Variants in AREL1 observed in about 807,000 individuals in gnomAD.
AREL1 encodes apoptosis resistant E3 ubiquitin protein ligase 1.
A neutral mutation model predicts 99.0 loss-of-function variants in AREL1; 62 were observed. That is an observed-to-expected ratio of 0.63 (90% CI 0.51 to 0.77). The LOEUF (loss-of-function observed/expected upper bound fraction) is 0.77, where lower values mean the gene tolerates loss of function less well. AREL1 is among the 30% of genes least tolerant of loss of function. The probability of loss-of-function intolerance (pLI) is 0.00; values close to 1 mark genes in which losing one functional copy is unlikely to be tolerated. For synonymous variants in AREL1, 380 were observed against 376.5 expected, an observed-to-expected ratio of 1.01 and a Z score of -0.11; for missense variants, 879 against 1,027.6, an observed-to-expected ratio of 0.86 and a Z score of 1.98.
In AREL1 at chr14:74,689,493, C is replaced by T. The variant is rs150623747; in HGVS notation, c.-46+2548G>A. Among the ~76,000 whole-genome samples, 593 of 152,078 alleles carry T rather than the reference C, an allele frequency of 3.9e-3. 1 individual carries two copies. The highest frequency in any genetic ancestry group is 6.3e-3 in the Non-Finnish European group (428 of 67,984). ...TCCTGAGGTCTAGGAAAAATCCTAT[C>T]CACTCTCTCCAAAATCTTCCCTAAT... On this transcript the variant is annotated intron_variant, in intron 2 of 19. Transcript: ENST00000356357.
At position 74,675,681 on chromosome 14, in the gene AREL1, G is replaced by A. The variant is rs752457056; in HGVS notation, c.1080+18C>T. On this transcript the variant is annotated intron_variant, in intron 8 of 19. Coordinates refer to ENST00000356357, the MANE Select transcript of AREL1 (RefSeq NM_001039479.2). ...GGTTCAAGCAGGGGGATTTTATGTC[G>A]AGAATGGAAGGTCCAACCTTTGGTG... 5.0e-6 allele frequency: 8 copies of A among 1,608,058 alleles called. No homozygotes were observed. Among genetic ancestry groups the A allele is most frequent in the African/African-American group, 4.0e-5 (3 of 74,780 alleles).
rs1329535025 is a variant in AREL1, at chr14:74,673,158, T to G, written c.1219A>C (p.Ile407Leu). The G allele has an allele frequency of 1.9e-6, 3 of 1,614,190 alleles. No homozygotes were observed. Among genetic ancestry groups the G allele is most frequent in the Non-Finnish European group, 2.5e-6 (3 of 1,180,040 alleles). The change falls in exon 10 of 20, where the codon ATT (isoleucine) becomes CTT (leucine). Residue 407 changes from isoleucine (I) to leucine (L), a missense_variant. Physicochemically the swap from Ile to Leu is conservative, Grantham distance 5 (BLOSUM62 2). Coordinates refer to ENST00000356357, the MANE Select transcript of AREL1 (RefSeq NM_001039479.2). ...KLLTLVVDDGIQPPVELSCKE... is the reference protein window; with the variant it reads ...KLLTLVVDDGLQPPVELSCKE... ...CAGCTGAGCTCCACAGGAGGTTGAA[T>G]GCCATCATCCACCACCAGTGTGAGC...
chr14:74,696,298 T>G (rs2089978065), intron 1 of AREL1, among the ~76,000 whole-genome samples: 1 of 152,232 alleles, frequency 6.6e-6, no homozygotes, highest in Non-Finnish European at 1.5e-5. Context: ...GGAAAAGAAT[T>G]ACAAAACTTG....
At chr14:74,685,724 G>C in intron 2 of AREL1, 64 bp from the exon 3 acceptor site, 1 of 1,443,584 alleles carries the variant, frequency 6.9e-7, no homozygotes, top group Middle Eastern at 1.7e-4. Context: ...CTCAGAGTAA[G>C]ACAAAGAAGA....
chr14:74,698,462 G>C (rs1160974890), intron 1 of AREL1, among the ~76,000 whole-genome samples: 1 of 152,164 alleles, frequency 6.6e-6, no homozygotes, highest in Non-Finnish European at 1.5e-5. Context: ...AACATCTATA[G>C]GTTCCTCTTC....
In AREL1 at chr14:74,661,488, A is replaced by G; in HGVS notation, c.*2232T>C. On this transcript the variant is annotated 3_prime_UTR_variant, in exon 20 of 20. Coordinates refer to ENST00000356357, the MANE Select transcript of AREL1 (RefSeq NM_001039479.2). ...GTACCTGGGTCACAAGGACATAAAT[A>G]AAAGAACTGGCCAAAATAAGAAACA... 3.4e-6 allele frequency: 1 copy of G among 298,308 alleles called. No individual in the cohort carries two copies. Among genetic ancestry groups the G allele is most frequent in the Non-Finnish European group, 6.7e-6 (1 of 149,234 alleles). 18.5% of individuals were successfully genotyped at this position (298,308 alleles called of 1,614,324 possible).
At position 74,683,473 on chromosome 14, in the gene AREL1, T is replaced by G. The variant is rs2089679497; in HGVS notation, c.304A>C (p.Ile102Leu). The change falls in exon 5 of 20, where the codon ATC becomes CTC. Residue 102 changes from isoleucine to leucine, a missense_variant. Physicochemically the swap from Ile to Leu is conservative, Grantham distance 5 (BLOSUM62 2). Transcript: ENST00000356357. ...AHRPVGLRVH[I>L]SHVELAVEIP... ...TCCACTGCTAGCTCGACATGAGAGA[T>G]GTGAACTCTTAGTCCCACAGGCCGA... 6.2e-7 allele frequency: 1 copy of G among 1,614,012 alleles called. No individual in the cohort carries two copies.
intron 5 of AREL1, among the ~76,000 whole-genome samples, chr14:74,679,088 TGAG>T (rs1283434793): frequency 1.3e-5 from 2 of 152,160 alleles, no homozygotes; most frequent in African/African-American, 2.4e-5. Flanking sequence ...TTTGTAGAGA[TGAG>T]GTCTCACTAT....
At chr14:74,664,716 C>A in intron 18 of AREL1, 120 bp downstream of exon 18, 1 of 701,094 alleles carries the variant, frequency 1.4e-6, no homozygotes, top group Non-Finnish European at 2.3e-6. Flanking sequence ...GCCTCAGCCT[C>A]CCAAAGTGCT....
In AREL1 at chr14:74,674,116, A is replaced by G. The variant is rs749313742; in HGVS notation, c.1081-5T>C. ...GAACTCCTTCACTGAGAATTGCTGG[A>G]GGACCAACAGACAGGAAATGAAGTG... is the stretch of plus-strand genomic sequence containing the variant. On this transcript the variant is annotated splice_region_variant and splice_polypyrimidine_tract_variant and intron_variant, in intron 8 of 19. Transcript: ENST00000356357. The G allele has an allele frequency of 1.9e-6, 3 of 1,611,266 alleles. No individual in the cohort carries two copies. In the African/African-American group the frequency reaches 4.0e-5, roughly 22 times the overall value.
chr14:74,694,983 T>C (rs1222667188), intron 1 of AREL1, among the ~76,000 whole-genome samples: 1 of 125,554 alleles, frequency 8.0e-6, no homozygotes, highest in Admixed American at 8.5e-5. Flanking sequence ...AGTGAGACTC[T>C]GTCTCGGAAA....
chr14:74,671,283 G>GTT (rs201903994), intron 12 of AREL1, 125 bp downstream of exon 12: 409 of 297,818 alleles, frequency 1.4e-3, no homozygotes, highest in Middle Eastern at 4.1e-3. Context: ...AAAAACCTAG[G>GTT]TTTTTTTTTT....
At chr14:74,711,104 G>A (rs963642544) in intron 1 of AREL1, among the ~76,000 whole-genome samples, 8 of 151,940 alleles carry the variant, frequency 5.3e-5, no homozygotes, top group Non-Finnish European at 1.0e-4. Context: ...GTTGGCGCAC[G>A]CCTGTAATCC....
At chr14:74,664,375 C>T (rs1357202580) in intron 18 of AREL1, among the ~76,000 whole-genome samples, 1 of 152,042 alleles carries the variant, frequency 6.6e-6, no homozygotes, top group African/African-American at 2.4e-5. Context: ...CTATCTTTCC[C>T]CATGCATCAT....
In AREL1 at chr14:74,662,612, G is replaced by A. The variant is rs2089108886; in HGVS notation, c.*1108C>T. 2.5e-6 allele frequency: 1 copy of A among 398,510 alleles called. No homozygotes were observed. The highest frequency in any genetic ancestry group is 2.1e-5 in the African/African-American group (1 of 48,686). 24.7% of individuals were successfully genotyped at this position (398,510 alleles called of 1,614,324 possible). A position where few individuals can be genotyped will look rare whatever the true frequency, so the allele number is the denominator to read the frequency against. On this transcript the variant is annotated 3_prime_UTR_variant, in exon 20 of 20. Transcript: ENST00000356357. The stretch of plus-strand genomic sequence containing the variant: ...CTGATGGAGCAAAGGGGAGTACAGG[G>A]GTTGGCAGGTGTTTACTGTGTAACA...
chr14:74,681,640 G>A (rs2089630470), intron 5 of AREL1, among the ~76,000 whole-genome samples: 2 of 152,044 alleles, frequency 1.3e-5, no homozygotes, highest in Non-Finnish European at 2.9e-5. Flanking sequence ...GGGCGTGGTG[G>A]CACGTGCCTG....
intron 9 of AREL1, 83 bp downstream of exon 9, chr14:74,673,951 G>A (rs1441950326): frequency 7.4e-6 from 9 of 1,223,652 alleles, no homozygotes; most frequent in Non-Finnish European, 1.1e-5. Flanking sequence ...AACACTAAAA[G>A]TGCTTCTGAG....
intron 1 of AREL1, among the ~76,000 whole-genome samples, chr14:74,697,006 C>T (rs1260057577): frequency 2.0e-5 from 3 of 152,024 alleles, no homozygotes; most frequent in Admixed American, 1.3e-4. Context: ...ATTAGCTGGG[C>T]GTGGTAGCAT....
intron 1 of AREL1, among the ~76,000 whole-genome samples, chr14:74,695,326 C>T (rs1328890438): frequency 2.6e-5 from 4 of 151,950 alleles, no homozygotes; most frequent in African/African-American, 4.8e-5. Context: ...GTGATTCGCC[C>T]GCCTCAGCTT....
Sources: gnomAD v4.1 joint callset for allele counts (sites outside exome capture counted in the v4.1 genomes callset) on GRCh38, gnomAD v4.1.1 for gene constraint, MANE v1.5 for transcripts, NCBI Gene and HGNC (gene_info 2026-07-23, HGNC 2026-07-21) for gene names.